Variants in C13orf42 observed in about 807,000 individuals in gnomAD.
C13orf42 encodes uncharacterized protein C13orf42.
chr13:51,152,081 A>G (rs893383435), intron 1 of C13orf42, among the ~76,000 whole-genome samples: 1 of 152,212 alleles, frequency 6.6e-6, no homozygotes, highest in African/African-American at 2.4e-5. Flanking sequence ...ACTGCCCCAA[A>G]TAACAATATT....
chr13:51,126,140 A>G (rs1045728470), intron 1 of C13orf42, among the ~76,000 whole-genome samples: 2 of 152,204 alleles, frequency 1.3e-5, no homozygotes, highest in African/African-American at 4.8e-5. Context: ...TGGCAAAGGC[A>G]TTGCCACTAT....
intron 1 of C13orf42, among the ~76,000 whole-genome samples, chr13:51,156,418 T>C (rs181337100): frequency 1.3e-5 from 2 of 152,288 alleles, no homozygotes; most frequent in East Asian, 3.9e-4. Context: ...CACTACGCCC[T>C]TTCCTGAAGA....
chr13:51,112,715 T>G (rs1953446909), upstream of C13orf42, among the ~76,000 whole-genome samples: 1 of 152,210 alleles, frequency 6.6e-6, no homozygotes, highest in Non-Finnish European at 1.5e-5. Flanking sequence ...TTAGTGGTCA[T>G]CAATTCACAG....
chr13:51,153,635 T>C (rs1400211130), intron 1 of C13orf42, among the ~76,000 whole-genome samples: 1 of 129,112 alleles, frequency 7.7e-6, no homozygotes, highest in African/African-American at 2.9e-5. Context: ...TTTTTCTTTT[T>C]TTTTTTTTTT....
chr13:51,154,373 A>C (rs1953808879), intron 1 of C13orf42, among the ~76,000 whole-genome samples: 1 of 151,798 alleles, frequency 6.6e-6, no homozygotes, highest in African/African-American at 2.4e-5. Flanking sequence ...AGTCATAGGG[A>C]CTCCTGCTTT....
intron 1 of C13orf42, among the ~76,000 whole-genome samples, chr13:51,169,150 G>C (rs1011984450): frequency 6.6e-6 from 1 of 152,178 alleles, no homozygotes; most frequent in Non-Finnish European, 1.5e-5. Context: ...TTAACAAGCA[G>C]AGATTAGAAC....
chr13:51,116,480 G>C (rs1298318903), intron 1 of C13orf42, among the ~76,000 whole-genome samples: 1 of 152,212 alleles, frequency 6.6e-6, no homozygotes, highest in Non-Finnish European at 1.5e-5. Context: ...CTCTCTCCAG[G>C]TGAAGGCCAG....
At chr13:51,156,999 C>T (rs1953829358) in intron 1 of C13orf42, among the ~76,000 whole-genome samples, 1 of 152,226 alleles carries the variant, frequency 6.6e-6, no homozygotes. Context: ...TTTAAAATTT[C>T]AGTTCTCCTT....
In C13orf42 at chr13:51,156,661, T is replaced by C. The variant is rs558035806; in HGVS notation, n.136+15592A>G. Among the ~76,000 whole-genome samples, 111 of 152,352 alleles carry C rather than the reference T, an allele frequency of 7.3e-4. 5 individuals carry two copies. In the South Asian group the frequency reaches 0.022, roughly 30 times the overall value. On this transcript the variant is annotated intron_variant and non_coding_transcript_variant, in intron 1 of 4. Coordinates refer to the C13orf42 transcript ENST00000433280. Reference sequence around the variant, plus strand: ...AAAAGACACCTACCATATAAGATTATTGTAAAGACTAGTGGAAAAAATCGG... The same window carrying C: ...AAAAGACACCTACCATATAAGATTACTGTAAAGACTAGTGGAAAAAATCGG...
chr13:51,095,120 C>T (rs61956838), intron 1 of C13orf42, among the ~76,000 whole-genome samples: 8,097 of 152,206 alleles, frequency 0.053, 331 homozygotes, highest in Non-Finnish European at 0.08. Flanking sequence ...TATAAATTAC[C>T]CAGTCTTAGG....
chr13:51,139,119 C>G (rs886896428), intron 1 of C13orf42, among the ~76,000 whole-genome samples: 1 of 152,070 alleles, frequency 6.6e-6, no homozygotes, highest in African/African-American at 2.4e-5. Flanking sequence ...GAGTTTGAGA[C>G]TAGTCTGACC....
At chr13:51,149,738 T>TA (rs1206822171) in intron 1 of C13orf42, among the ~76,000 whole-genome samples, 1 of 152,218 alleles carries the variant, frequency 6.6e-6, no homozygotes, top group Non-Finnish European at 1.5e-5. Context: ...GGGAAACAGT[T>TA]ATATCTTTGA....
rs1045687062 is a variant in C13orf42 at position 51,083,022 on chromosome 13, C to A, written c.*1129G>T. The A allele has an allele frequency of 6.6e-6, 1 of 152,198 alleles. No individual in the cohort carries two copies. Among genetic ancestry groups the A allele is most frequent in the Non-Finnish European group, 1.5e-5 (1 of 68,058 alleles). 9.4% of individuals were successfully genotyped at this position (152,198 alleles called of 1,614,324 possible). On this transcript the variant is annotated 3_prime_UTR_variant, in exon 4 of 4. Transcript: ENST00000563710. ...TAGCCTGACCTTAGCCTAGAACATC[C>A]TTGGCTTAATTCAAATGATTGTGGT... is the stretch of plus-strand genomic sequence containing the variant.
chr13:51,154,066 C>A (rs564534082), intron 1 of C13orf42, among the ~76,000 whole-genome samples: 2 of 152,116 alleles, frequency 1.3e-5, no homozygotes, highest in Admixed American at 6.5e-5. Flanking sequence ...AACTCCGGTA[C>A]GTCACACAAG....
chr13:51,160,078 T>C (rs1566142440), intron 1 of C13orf42, among the ~76,000 whole-genome samples: 1 of 152,198 alleles, frequency 6.6e-6, no homozygotes, highest in Non-Finnish European at 1.5e-5. Context: ...TACCTCCCCC[T>C]GGGTCCCTCC....
At chr13:51,171,341 A>G (rs1454535021) in intron 1 of C13orf42, among the ~76,000 whole-genome samples, 2 of 152,116 alleles carry the variant, frequency 1.3e-5, no homozygotes, top group African/African-American at 4.8e-5. Flanking sequence ...CTTGTCGTAA[A>G]ATAGGCAAAC....
chr13:51,150,005 T>C (rs887425235), intron 1 of C13orf42, among the ~76,000 whole-genome samples: 1 of 152,206 alleles, frequency 6.6e-6, no homozygotes, highest in Non-Finnish European at 1.5e-5. Context: ...ATAAATGAAA[T>C]ATTTGACGAA....
At chr13:51,140,353 G>C (rs543357352) in intron 1 of C13orf42, among the ~76,000 whole-genome samples, 1 of 152,230 alleles carries the variant, frequency 6.6e-6, no homozygotes, top group East Asian at 1.9e-4. Context: ...AGCACATGTC[G>C]TCAGGACTTC....
chr13:51,161,111 A>G (rs1441706669), intron 1 of C13orf42, among the ~76,000 whole-genome samples: 1 of 148,156 alleles, frequency 6.7e-6, no homozygotes. Context: ...AGTTGCACCT[A>G]ACCCACATAT....
Sources: gnomAD v4.1 joint callset for allele counts (sites outside exome capture counted in the v4.1 genomes callset) on GRCh38, gnomAD v4.1.1 for gene constraint, MANE v1.5 for transcripts, NCBI Gene and HGNC (gene_info 2026-07-23, HGNC 2026-07-21) for gene names.